Variants in ARL15 observed in about 807,000 individuals in gnomAD.
The protein encoded by ARL15 is ARF like GTPase 15, also known as ADP-ribosylation factor-like protein 15.
Under a neutral mutation model 25.2 loss-of-function variants are expected in ARL15, and 19 were observed. That is an observed-to-expected ratio of 0.75 (90% CI 0.53 to 1.10). The LOEUF is 1.10. Ranked by LOEUF, ARL15 falls within the 50% of genes least tolerant of loss-of-function variation. ARL15 has a pLI of 0.00. For missense variants in ARL15, 220 were observed against 246.0 expected, an observed-to-expected ratio of 0.89 and a Z score of 0.71; for synonymous variants, 94 against 86.8, an observed-to-expected ratio of 1.08 and a Z score of -0.46.
chr5:53,970,516 G>A (rs1455325913), intron 4 of ARL15, among the ~76,000 whole-genome samples: 2 of 152,134 alleles, frequency 1.3e-5, no homozygotes, highest in African/African-American at 4.8e-5. Context: ...GAGAGAGAGC[G>A]AGAGAGAACT....
intron 4 of ARL15, among the ~76,000 whole-genome samples, chr5:53,909,464 A>G (rs1745382200): frequency 6.6e-6 from 1 of 152,200 alleles, no homozygotes; most frequent in African/African-American, 2.4e-5. Context: ...CCCAGCACTT[A>G]GGGAGGCCGA....
chr5:54,308,536 T>C (rs1758817711), intron 1 of ARL15, among the ~76,000 whole-genome samples: 6 of 152,180 alleles, frequency 3.9e-5, no homozygotes, highest in Admixed American at 3.3e-4. Context: ...GCTTTTAGGG[T>C]AAACTTGAGC....
At chr5:53,991,587 A>G (rs1474702895) in intron 4 of ARL15, among the ~76,000 whole-genome samples, 2 of 151,180 alleles carry the variant, frequency 1.3e-5, no homozygotes. Context: ...AATTGAAGCA[A>G]TGAGTGTAAA....
chr5:54,273,781 C>T (rs1467845147), intron 1 of ARL15, among the ~76,000 whole-genome samples: 1 of 152,080 alleles, frequency 6.6e-6, no homozygotes, highest in African/African-American at 2.4e-5. Flanking sequence ...AATAAGTGCT[C>T]GGTAAATGTC....
At chr5:53,929,237 A>G (rs1350799923) in intron 4 of ARL15, among the ~76,000 whole-genome samples, 1 of 151,908 alleles carries the variant, frequency 6.6e-6, no homozygotes, top group East Asian at 1.9e-4. Context: ...GGACAGAGGG[A>G]GGAAATTAGG....
intron 4 of ARL15, among the ~76,000 whole-genome samples, chr5:54,072,693 C>T (rs1483464918): frequency 2.0e-5 from 3 of 152,176 alleles, no homozygotes; most frequent in Admixed American, 6.5e-5. Context: ...GCATTGCCTG[C>T]ACACAACACA....
At chr5:54,115,286 G>A (rs1752863876) in intron 3 of ARL15, among the ~76,000 whole-genome samples, 1 of 152,122 alleles carries the variant, frequency 6.6e-6, no homozygotes, top group Non-Finnish European at 1.5e-5. Context: ...TCAAGAGATA[G>A]GCATTTCATC....
intron 4 of ARL15, among the ~76,000 whole-genome samples, chr5:54,024,270 T>C (rs1191967631): frequency 6.6e-6 from 1 of 152,170 alleles, no homozygotes; most frequent in Non-Finnish European, 1.5e-5. Flanking sequence ...ACAGGATCTT[T>C]CTCAGCTATC....
At chr5:53,889,223 A>G (rs1317282154) in intron 4 of ARL15, among the ~76,000 whole-genome samples, 4 of 152,336 alleles carry the variant, frequency 2.6e-5, no homozygotes, top group South Asian at 4.1e-4. Flanking sequence ...TGATCCCGGT[A>G]GCATATTTAC....
chr5:54,077,260 G>A (rs545961611), intron 4 of ARL15, among the ~76,000 whole-genome samples: 5 of 152,074 alleles, frequency 3.3e-5, no homozygotes, highest in African/African-American at 1.2e-4. Flanking sequence ...AAATGAATGT[G>A]GTAGGAATAT....
intron 1 of ARL15, among the ~76,000 whole-genome samples, chr5:54,226,214 G>A (rs1271583125): frequency 2.6e-5 from 4 of 152,176 alleles, no homozygotes; most frequent in African/African-American, 9.7e-5. Context: ...AGGTTGAGCA[G>A]GGAAGGAAGG....
chr5:54,138,909 T>TG (rs1263330454), intron 3 of ARL15, among the ~76,000 whole-genome samples: 1 of 152,064 alleles, frequency 6.6e-6, no homozygotes, highest in East Asian at 1.9e-4. Flanking sequence ...AACAAACATG[T>TG]GAAAAAATGC....
intron 4 of ARL15, among the ~76,000 whole-genome samples, chr5:54,104,690 A>G (rs947808522): frequency 3.9e-5 from 6 of 152,114 alleles, no homozygotes; most frequent in Admixed American, 6.5e-5. Flanking sequence ...GCTCCACACA[A>G]CTCAGAGATA....
chr5:53,887,760 C>T (rs1744582827), intron 4 of ARL15, among the ~76,000 whole-genome samples: 1 of 152,052 alleles, frequency 6.6e-6, no homozygotes, highest in Non-Finnish European at 1.5e-5. Flanking sequence ...TCTCATGTGT[C>T]ATGAAAAATT....
intron 4 of ARL15, among the ~76,000 whole-genome samples, chr5:53,999,572 C>G (rs956364703): frequency 6.7e-6 from 1 of 149,744 alleles, no homozygotes; most frequent in Non-Finnish European, 1.5e-5. Context: ...ACTTGTGCAA[C>G]AAGAGTGAAA....
intron 4 of ARL15, among the ~76,000 whole-genome samples, chr5:54,078,099 T>G (rs762991643): frequency 6.6e-6 from 1 of 152,252 alleles, no homozygotes; most frequent in African/African-American, 2.4e-5. Context: ...GAATTGAATT[T>G]AATTTGTCTA....
chr5:54,006,051 C>CAAAAAA (rs56094450), intron 4 of ARL15, among the ~76,000 whole-genome samples: 1 of 57,550 alleles, frequency 1.7e-5, no homozygotes, highest in Non-Finnish European at 3.3e-5. Context: ...ATTACATCTC[C>CAAAAAA]AAAAAAAAAA....
intron 4 of ARL15, among the ~76,000 whole-genome samples, chr5:53,900,978 A>T (rs1172247719): frequency 2.0e-5 from 3 of 152,220 alleles, no homozygotes; most frequent in African/African-American, 7.2e-5. Context: ...GTCCAAACAA[A>T]GCATCTAATT....
chr5:54,128,462 T>C (rs191948933), intron 3 of ARL15, among the ~76,000 whole-genome samples: 1 of 152,306 alleles, frequency 6.6e-6, no homozygotes, highest in East Asian at 1.9e-4. Context: ...AAAATAGCCA[T>C]CTGATTTATA....
Sources: allele counts gnomAD v4.1 joint callset (sites outside exome capture counted in the v4.1 genomes callset), GRCh38; gene constraint gnomAD v4.1.1; transcripts MANE v1.5; gene names NCBI Gene and HGNC (gene_info 2026-07-23, HGNC 2026-07-21).